Variants in VPS33B observed in about 807,000 individuals in gnomAD.
The protein encoded by VPS33B is VPS33B late endosome and lysosome associated.
VPS33B carries 80 observed loss-of-function variants against 95.3 expected under a neutral mutation model. The ratio of observed to expected loss-of-function variants is 0.84; its 90% CI spans 0.70 to 1.01. VPS33B has a LOEUF of 1.01. VPS33B is among the 50% of genes least tolerant of loss of function. VPS33B has a pLI of 0.00. For synonymous variants in VPS33B, 280 were observed against 280.4 expected, an observed-to-expected ratio of 1.00 and a Z score of 0.01; for missense variants, 715 against 773.4, an observed-to-expected ratio of 0.92 and a Z score of 0.90.
rs139528134 is a variant in VPS33B, at chr15:91,005,465, G to A, written c.1031-11C>T. 172 of 1,613,988 alleles carry A rather than the reference G, an allele frequency of 1.1e-4. 1 individual carries two copies. The African/African-American group carries it at 2.1e-3, about 19-fold the overall frequency. ...CACAGGCCCCAATATCTGCAGGTTG[G>A]ACAAAGGGAGCTGACATACTCCTGG... On this transcript the variant is annotated splice_polypyrimidine_tract_variant and intron_variant, in intron 13 of 22. Transcript: ENST00000333371. This position sits in a 1 kb window ranked among gnomAD's most constrained non-coding sequence, Gnocchi z 6.4.
chr15:91,022,584 G>C lies in VPS33B; in HGVS notation c.-335C>G. ...AGAACCCCGCCTTCTACCAGAAAAA[G>C]AAGCGACTTCCTAGATCTCCCGGAA... On this transcript the variant is annotated 5_prime_UTR_variant, in exon 1 of 23. Coordinates refer to ENST00000333371, the MANE Select transcript of VPS33B (RefSeq NM_018668.5). 4 of 198,578 alleles carry C rather than the reference G, an allele frequency of 2.0e-5. No individual in the cohort carries two copies. Among genetic ancestry groups the C allele is most frequent in the Non-Finnish European group, 3.0e-5 (3 of 99,136 alleles). 12.3% of individuals were successfully genotyped at this position (198,578 alleles called of 1,614,324 possible).
Position 91,022,274 on chromosome 15 carries a change from G to T in VPS33B, c.-25C>A. 2 of 1,532,696 alleles carry T rather than the reference G, an allele frequency of 1.3e-6. No individual in the cohort carries two copies. The highest frequency in any genetic ancestry group is 8.8e-7 in the Non-Finnish European group (1 of 1,132,536). The allele number at this position is 1,532,696 out of a possible 1,614,324, so 94.9% of individuals were successfully genotyped here. On this transcript the variant is annotated 5_prime_UTR_variant, in exon 1 of 23. Coordinates refer to ENST00000333371, the MANE Select transcript of VPS33B (RefSeq NM_018668.5). ...TGGCAGCGGTCACCTGCGCCGCGGG[G>T]TGGAAGGACGCCCTTCGTTCTGAGA...
Position 91,006,817 on chromosome 15 carries a change from G to C in VPS33B, c.701-88C>G. 1.3e-6 allele frequency: 2 copies of C among 1,591,850 alleles called. No individual in the cohort carries two copies. The highest frequency in any genetic ancestry group is 1.7e-6 in the Non-Finnish European group (2 of 1,160,252). On this transcript the variant is annotated intron_variant, in intron 9 of 22. Coordinates refer to ENST00000333371, the MANE Select transcript of VPS33B (RefSeq NM_018668.5). The surrounding 1 kb of genome is among the most constrained non-coding windows in gnomAD (Gnocchi z 5.4). ...AAGGGCAGCTTTGATACTTTCCATA[G>C]GGCCAAGGACCCACGCTCCTCAAAG...
At position 91,004,868 on chromosome 15, in the gene VPS33B, T is replaced by C; in HGVS notation, c.1225+9A>G. 1 of 1,614,232 alleles carries C rather than the reference T, an allele frequency of 6.2e-7. No homozygotes were observed. The highest frequency in any genetic ancestry group is 1.1e-5 in the South Asian group (1 of 91,086). On this transcript the variant is annotated intron_variant, in intron 16 of 22. Transcript: ENST00000333371. The stretch of plus-strand genomic sequence containing the variant: ...TCTGACATTCTCATCTTCAGTCTTT[T>C]GGGCTCACCATTCTCAGTGATGGAC...
intron 1 of VPS33B, among the ~76,000 whole-genome samples, chr15:91,020,750 G>C (rs556990102): frequency 6.6e-5 from 10 of 152,186 alleles, no homozygotes; most frequent in African/African-American, 2.4e-4. Context: ...GTGGGCTAGC[G>C]TGCGCCTGTA....
chr15:91,006,812 C>A lies in VPS33B; in HGVS notation c.701-83G>T. ...TGTCCAAGGGCAGCTTTGATACTTT[C>A]CATAGGGCCAAGGACCCACGCTCCT... On this transcript the variant is annotated intron_variant, in intron 9 of 22. Transcript: ENST00000333371. The surrounding 1 kb of genome is among the most constrained non-coding windows in gnomAD (Gnocchi z 5.4). 1.3e-6 allele frequency: 2 copies of A among 1,594,758 alleles called. No individual in the cohort carries two copies. Among genetic ancestry groups the A allele is most frequent in the Non-Finnish European group, 1.7e-6 (2 of 1,162,750 alleles).
intron 2 of VPS33B, among the ~76,000 whole-genome samples, chr15:91,017,233 A>G (rs938916959): frequency 6.0e-5 from 9 of 150,544 alleles, no homozygotes; most frequent in Non-Finnish European, 3.0e-5. Context: ...CAATATAAAA[A>G]CAGTATGGGC....
intron 1 of VPS33B, among the ~76,000 whole-genome samples, chr15:91,019,568 A>C (rs576400897): frequency 2.0e-5 from 3 of 152,296 alleles, no homozygotes; most frequent in African/African-American, 7.2e-5. Context: ...AGCTTAGGGG[A>C]GTGTGGCCTT....
At chr15:91,012,971 T>C (rs1052384476) in intron 5 of VPS33B, among the ~76,000 whole-genome samples, 5 of 152,180 alleles carry the variant, frequency 3.3e-5, no homozygotes, top group African/African-American at 1.2e-4. Flanking sequence ...TTCCAATATA[T>C]GGTGGCATGG....
At position 91,013,835 on chromosome 15, in the gene VPS33B, CG is replaced by C; in HGVS notation, c.325del (p.Arg109AlafsTer5). The C allele has an allele frequency of 6.2e-7, 1 of 1,614,074 alleles. No homozygotes were observed. Among genetic ancestry groups the C allele is most frequent in the Non-Finnish European group, 8.5e-7 (1 of 1,179,998 alleles). ...VNADKLAGRT[R>X]KYKVIFSPQK... ...AGGGCTGAAGATCACTTTGTATTTG[CG>C]AGTTCGGCCAGCCAATTTGTCAGCA... On this transcript the variant is annotated frameshift_variant, in exon 5 of 23. Coordinates refer to ENST00000333371, the MANE Select transcript of VPS33B (RefSeq NM_018668.5). LOFTEE classifies it high-confidence loss of function. The surrounding 1 kb of genome is among the most constrained non-coding windows in gnomAD (Gnocchi z 4.5).
chr15:91,020,108 TA>T (rs2041061281), intron 1 of VPS33B, among the ~76,000 whole-genome samples: 1 of 151,904 alleles, frequency 6.6e-6, no homozygotes. Context: ...CCCAGCCTAA[TA>T]TTTTTTTTAA....
In VPS33B at chr15:91,005,575, CA is replaced by C; in HGVS notation, c.1030+118del. On this transcript the variant is annotated intron_variant, in intron 13 of 22. Transcript: ENST00000333371. The surrounding 1 kb of genome is among the most constrained non-coding windows in gnomAD (Gnocchi z 6.4). ...GAAAGCACTTCTTCCCACTTTACAC[CA>C]AGTAAGACCATATGCATCAGATGAA... is the stretch of plus-strand genomic sequence containing the variant. The C allele has an allele frequency of 6.4e-7, 1 of 1,574,390 alleles. No individual in the cohort carries two copies. Among genetic ancestry groups the C allele is most frequent in the Non-Finnish European group, 8.7e-7 (1 of 1,144,082 alleles).
chr15:91,014,834 C>G (rs1180619448), intron 3 of VPS33B, among the ~76,000 whole-genome samples: 1 of 152,126 alleles, frequency 6.6e-6, no homozygotes, highest in African/African-American at 2.4e-5. Flanking sequence ...CACCTGTAAT[C>G]TTAACACTCC....
At chr15:91,017,947 T>C (rs2040991149) in intron 1 of VPS33B, 62 bp from the exon 2 acceptor site, 8 of 1,519,420 alleles carry the variant, frequency 5.3e-6, no homozygotes, top group Admixed American at 1.7e-5. Flanking sequence ...AGCTGAGAAG[T>C]GGCCCAGCCA....
At position 91,009,101 on chromosome 15, in the gene VPS33B, A is replaced by G. The variant is rs76398696; in HGVS notation, c.403+700T>C. Reference sequence around the variant, plus strand: ...GTGATCAGGTTTGGGTTGTGTGGAGAATAGCGGAGGAATACACAGAGGGGA... The same window carrying G: ...GTGATCAGGTTTGGGTTGTGTGGAGGATAGCGGAGGAATACACAGAGGGGA... On this transcript the variant is annotated intron_variant, in intron 6 of 22. Transcript: ENST00000333371. This position sits in a 1 kb window ranked among gnomAD's most constrained non-coding sequence, Gnocchi z 4.1. Among the ~76,000 whole-genome samples, 147 of 152,008 alleles carry G rather than the reference A, an allele frequency of 9.7e-4. 3 individuals carry two copies. In the East Asian group the frequency reaches 0.02, roughly 21 times the overall value.
intron 2 of VPS33B, among the ~76,000 whole-genome samples, chr15:91,017,278 G>A (rs560311543): frequency 2.1e-5 from 3 of 140,506 alleles, no homozygotes; most frequent in Non-Finnish European, 3.1e-5. Context: ...ATCCCAGCAC[G>A]TTGGGAGGCC....
chr15:91,005,335 G>T lies in VPS33B; in HGVS notation c.1105+45C>A. The T allele has an allele frequency of 5.6e-6, 9 of 1,614,116 alleles. No homozygotes were observed. The highest frequency in any genetic ancestry group is 1.7e-4 in the Middle Eastern group (1 of 6,040). On this transcript the variant is annotated intron_variant, in intron 14 of 22. Coordinates refer to ENST00000333371, the MANE Select transcript of VPS33B (RefSeq NM_018668.5). The surrounding 1 kb of genome is among the most constrained non-coding windows in gnomAD (Gnocchi z 6.4). ...GGGTGGGACGGGGCTGGGAGCTGGG[G>T]AAGTAGAAGCGTGGGCAGTAGCACA...
Position 91,003,136 on chromosome 15 carries a change from G to C in VPS33B, c.1226-5C>G, listed in dbSNP as rs1402279565. ...GGTAATCCTTGGGGATCAAACCTAA[G>C]AGTGAAGAAAATAAGACAGGTGCAT... On this transcript the variant is annotated splice_region_variant and splice_polypyrimidine_tract_variant and intron_variant, in intron 16 of 22. Coordinates refer to ENST00000333371, the MANE Select transcript of VPS33B (RefSeq NM_018668.5). 3.7e-6 allele frequency: 6 copies of C among 1,614,172 alleles called. No homozygotes were observed. Among genetic ancestry groups the C allele is most frequent in the East Asian group, 2.2e-5 (1 of 44,886 alleles).
rs962257002 is a variant in VPS33B at position 91,021,353 on chromosome 15, T to A, written c.96+801A>T. On this transcript the variant is annotated intron_variant, in intron 1 of 22. Transcript: ENST00000333371. ...TAAAAATCTCACTCATTTTTGCTTC[T>A]CCTTCAACATTTATAACCAATCAGT... 5.3e-4 allele frequency among the ~76,000 whole-genome samples: 80 copies of A among 152,344 alleles called. 1 individual carries two copies. Among genetic ancestry groups the A allele is most frequent in the Non-Finnish European group, 2.9e-5 (2 of 68,032 alleles).
Sources: gnomAD v4.1 joint callset for allele counts (sites outside exome capture counted in the v4.1 genomes callset) on GRCh38, gnomAD v4.1.1 for gene constraint, Gnocchi (gnomAD v3.1) non-coding constraint, MANE v1.5 for transcripts, NCBI Gene and HGNC (gene_info 2026-07-23, HGNC 2026-07-21) for gene names.